Variants in CNBD1 observed in about 807,000 individuals in gnomAD.
The protein encoded by CNBD1 is cyclic nucleotide binding domain containing 1.
A neutral mutation model predicts 54.4 loss-of-function variants in CNBD1; 71 were observed. That is an observed-to-expected ratio of 1.30 (90% confidence interval 1.08 to 1.59). The LOEUF is 1.59. CNBD1 is among the 40% of genes most tolerant of loss of function. The pLI is 0.00. For missense variants in CNBD1, 659 were observed against 518.0 expected (o/e 1.27, Z -2.64); for synonymous variants, 182 against 170.7 (o/e 1.07, Z -0.51).
chr8:87,133,626 G>T (rs1360368843), intron 4 of CNBD1, among the ~76,000 whole-genome samples: 1 of 151,842 alleles, frequency 6.6e-6, no homozygotes, highest in Non-Finnish European at 1.5e-5. Context: ...CTACTAGGTG[G>T]GGTGCTTGCA....
intron 4 of CNBD1, among the ~76,000 whole-genome samples, chr8:87,029,355 A>T (rs1159923726): frequency 6.6e-6 from 1 of 152,192 alleles, no homozygotes; most frequent in African/African-American, 2.4e-5. Flanking sequence ...TTCAGCACTT[A>T]GTTGTAAGTA....
rs543715548 is a variant in CNBD1 at position 87,198,980 on chromosome 8, G to C, written c.432-7013G>C. Among the ~76,000 whole-genome samples, 76 of 152,330 alleles carry C rather than the reference G, an allele frequency of 5.0e-4. 1 individual carries two copies. The highest frequency in any genetic ancestry group is 1.7e-3 in the African/African-American group (69 of 41,580). Reference sequence around the variant, plus strand: ...TGCAAGGTGAAAGGGCAATAGGCATGTCACAGGGTGAAAGCAGGAGCAAGC... The same window carrying C: ...TGCAAGGTGAAAGGGCAATAGGCATCTCACAGGGTGAAAGCAGGAGCAAGC... On this transcript the variant is annotated intron_variant, in intron 4 of 10. Coordinates refer to ENST00000518476, the MANE Select transcript of CNBD1 (RefSeq NM_173538.3).
At chr8:86,926,839 T>G (rs1319074510) in intron 3 of CNBD1, among the ~76,000 whole-genome samples, 1 of 152,144 alleles carries the variant, frequency 6.6e-6, no homozygotes, top group African/African-American at 2.4e-5. Flanking sequence ...AGTAGGATAA[T>G]GAAGTAGATA....
At chr8:87,015,620 C>A (rs1055829255) in intron 4 of CNBD1, among the ~76,000 whole-genome samples, 1 of 152,106 alleles carries the variant, frequency 6.6e-6, no homozygotes, top group Non-Finnish European at 1.5e-5. Flanking sequence ...TCTCCTTCAC[C>A]TTTTGTTGGC....
intron 2 of CNBD1, among the ~76,000 whole-genome samples, chr8:86,899,049 CTTATG>C (rs1332123036): frequency 6.6e-6 from 1 of 151,954 alleles, no homozygotes; most frequent in Admixed American, 6.6e-5. Flanking sequence ...CCCAGAGGCC[CTTATG>C]TTAAGTTAAA....
intron 4 of CNBD1, among the ~76,000 whole-genome samples, chr8:87,025,127 C>G (rs1474529632): frequency 1.3e-5 from 2 of 151,992 alleles, no homozygotes; most frequent in African/African-American, 4.8e-5. Context: ...GTAAATGCAC[C>G]AATCAGCGCT....
intron 4 of CNBD1, among the ~76,000 whole-genome samples, chr8:86,967,753 A>G (rs1808118996): frequency 1.3e-5 from 2 of 151,526 alleles, no homozygotes; most frequent in Admixed American, 1.3e-4. Context: ...CTGGTCTGGT[A>G]ATTCCAACAT....
intron 4 of CNBD1, among the ~76,000 whole-genome samples, chr8:87,095,368 T>C (rs1811296133): frequency 6.6e-6 from 1 of 152,218 alleles, no homozygotes; most frequent in South Asian, 2.1e-4. Context: ...GAAGATAAGT[T>C]TGTGCATAAG....
At chr8:87,137,061 A>G (rs1563482799) in intron 4 of CNBD1, among the ~76,000 whole-genome samples, 1 of 131,200 alleles carries the variant, frequency 7.6e-6, no homozygotes, top group Non-Finnish European at 1.5e-5. Context: ...TATATATTAT[A>G]TTTATATTCT....
intron 4 of CNBD1, among the ~76,000 whole-genome samples, chr8:87,115,411 A>T (rs370436223): frequency 5.3e-5 from 8 of 152,192 alleles, no homozygotes; most frequent in African/African-American, 1.9e-4. Flanking sequence ...TGTTAATATT[A>T]ATCATTTTAC....
At chr8:87,388,983 G>A (rs1811251397) in intron 2 of CNBD1, among the ~76,000 whole-genome samples, 1 of 152,092 alleles carries the variant, frequency 6.6e-6, no homozygotes, top group South Asian at 2.1e-4. Context: ...CATATAAACA[G>A]AACCAACGAC....
chr8:86,910,708 G>A (rs1409179462), intron 3 of CNBD1, among the ~76,000 whole-genome samples: 4 of 152,174 alleles, frequency 2.6e-5, no homozygotes, highest in African/African-American at 9.7e-5. Flanking sequence ...AAATGAAGTG[G>A]AGTCATTGTC....
At chr8:87,095,978 C>T (rs1811311982) in intron 4 of CNBD1, among the ~76,000 whole-genome samples, 1 of 152,092 alleles carries the variant, frequency 6.6e-6, no homozygotes, top group African/African-American at 2.4e-5. Context: ...CTTTAAAATA[C>T]CCTGTGCTTC....
Position 87,376,448 on chromosome 8 carries a change from T to G in CNBD1, c.1304-6172T>G, listed in dbSNP as rs558914240. On this transcript the variant is annotated intron_variant, in intron 10 of 10. Coordinates refer to ENST00000518476, the MANE Select transcript of CNBD1 (RefSeq NM_173538.3). ...CACATTGGACGTTAGGATTTCAACC[T>G]ATGAATTTTTGAGGGATGTAACCAT... Among the ~76,000 whole-genome samples the G allele has an allele frequency of 1.7e-3, 265 of 152,072 alleles. 1 individual carries two copies. The highest frequency in any genetic ancestry group is 6.0e-3 in the African/African-American group (248 of 41,534).
chr8:86,979,526 A>G (rs114344469), intron 4 of CNBD1, among the ~76,000 whole-genome samples: 2,955 of 151,838 alleles, frequency 0.019, 95 homozygotes, highest in African/African-American at 0.06. Flanking sequence ...CAAAGTCGAG[A>G]CTGTAGTGAG....
At position 87,164,017 on chromosome 8, in the gene CNBD1, T is replaced by G. The variant is rs1219395608; in HGVS notation, c.432-41976T>G. ...TTTCTATTTTTGAAAGAATGCCTAGTTTTGTAAAACGCTTTTTCAGCATTT... is the reference window on the plus strand; with the variant it reads ...TTTCTATTTTTGAAAGAATGCCTAGGTTTGTAAAACGCTTTTTCAGCATTT... On this transcript the variant is annotated intron_variant, in intron 4 of 10. Coordinates refer to ENST00000518476, the MANE Select transcript of CNBD1 (RefSeq NM_173538.3). Among the ~76,000 whole-genome samples, 4 of 151,904 alleles carry G rather than the reference T, an allele frequency of 2.6e-5. No homozygotes were observed. In the East Asian group the frequency reaches 7.7e-4, roughly 29 times the overall value.
At chr8:87,319,202 C>G (rs753039397) in intron 8 of CNBD1, among the ~76,000 whole-genome samples, 4 of 151,948 alleles carry the variant, frequency 2.6e-5, no homozygotes, top group African/African-American at 9.7e-5. Context: ...TAGTTACCTT[C>G]AACAGAGAAG....
intron 6 of CNBD1, among the ~76,000 whole-genome samples, chr8:87,263,537 GGTAA>G (rs200461808): frequency 0.011 from 1,631 of 151,986 alleles, 32 homozygotes; most frequent in African/African-American, 0.033. Flanking sequence ...AGTAAAATTA[GGTAA>G]GTAATTGTTT....
chr8:87,379,838 G>T (rs1586064658), intron 10 of CNBD1, among the ~76,000 whole-genome samples: 1 of 151,682 alleles, frequency 6.6e-6, no homozygotes, highest in East Asian at 1.9e-4. Context: ...AAAAACACAG[G>T]TATAATACAT....
Sources: gnomAD v4.1 joint callset for allele counts (sites outside exome capture counted in the v4.1 genomes callset) on GRCh38, gnomAD v4.1.1 for gene constraint, MANE v1.5 for transcripts, NCBI Gene and HGNC (gene_info 2026-07-23, HGNC 2026-07-21) for gene names.